The following ALMS1 variants were observed in gnomAD, a reference collection of about 807,000 sequenced individuals.
ALMS1 encodes centrosome-associated protein ALMS1.
Under a neutral mutation model 352.2 loss-of-function variants are expected in ALMS1, and 271 were observed. The observed-to-expected ratio is 0.77, with a 90% confidence interval of 0.70 to 0.85. The LOEUF is 0.85. Among genes scored for constraint, ALMS1 ranks in the 40% least tolerant of loss-of-function variants. The pLI is 0.00. For synonymous variants in ALMS1, 1,865 were observed against 1,761.2 expected (o/e 1.06, Z -1.48); for missense variants, 5,445 against 4,870.7 (o/e 1.12, Z -3.51).
At chr2:73,502,295 A>G (rs1673234311) in intron 10 of ALMS1, among the ~76,000 whole-genome samples, 3 of 152,090 alleles carry the variant, frequency 2.0e-5, no homozygotes, top group Admixed American at 2.0e-4. Context: ...TTTCTTCTTT[A>G]AATTTACTGG....
intron 16 of ALMS1, among the ~76,000 whole-genome samples, chr2:73,581,813 C>T (rs188976589): frequency 7.9e-5 from 12 of 151,152 alleles, no homozygotes; most frequent in Non-Finnish European, 1.8e-4. Flanking sequence ...GGCACAATCT[C>T]AGCTCACTGC....
chr2:73,452,698 A>T lies in ALMS1; in HGVS notation c.6171A>T (p.Leu2057Phe), dbSNP rs2103789184. 6.2e-7 allele frequency: 1 copy of T among 1,613,738 alleles called. No individual in the cohort carries two copies. Among genetic ancestry groups the T allele is most frequent in the Non-Finnish European group, 8.5e-7 (1 of 1,179,966 alleles). ...CTCAAACAGTAAAGCCCAATATTTT[A>T]TTTCAACAGCAGTTGCCAGATAGAG... is the stretch of plus-strand genomic sequence containing the variant. ...SYSQTVKPNI[L>F]FQQQLPDRDQ... Residue 2057 changes from leucine to phenylalanine, a missense_variant, in exon 8 of 23, where the codon TTA (leucine) becomes TTT (phenylalanine). Leu to Phe is a conservative substitution (Grantham distance 22, BLOSUM62 0). Transcript: ENST00000613296.
intron 3 of ALMS1, among the ~76,000 whole-genome samples, chr2:73,419,843 A>G (rs1172433249): frequency 2.0e-5 from 3 of 152,210 alleles, no homozygotes; most frequent in Non-Finnish European, 4.4e-5. Flanking sequence ...TTAGCTCTTT[A>G]TAAAAGATAA....
chr2:73,450,427 G>A lies in ALMS1; in HGVS notation c.3900G>A (p.Ser1300=), dbSNP rs1480882041. 4.3e-6 allele frequency: 7 copies of A among 1,612,050 alleles called. No homozygotes were observed. Among genetic ancestry groups the A allele is most frequent in the Middle Eastern group, 1.6e-4 (1 of 6,070 alleles). The part of the protein sequence containing the change: ...REKPSIFYQQ[S]LPSSHLTEEA... ...AGCCCAGCATTTTCTACCAACAGTC[G>A]TTGCCAAGTAGTCATCTAACTGAAG... Residue 1300 remains serine (S), a synonymous_variant, in exon 8 of 23, where the codon TCG becomes TCA. Coordinates refer to ENST00000613296, the MANE Select transcript of ALMS1 (RefSeq NM_001378454.1).
chr2:73,491,056 T>C lies in ALMS1; in HGVS notation c.9097T>C (p.Ser3033Pro). 1 of 1,614,250 alleles carries C rather than the reference T, an allele frequency of 6.2e-7. No individual in the cohort carries two copies. Among genetic ancestry groups the C allele is most frequent in the Non-Finnish European group, 8.5e-7 (1 of 1,180,046 alleles). ...SAPNHCTLAA[S>P]ASTPPSNRKA... ...CCCAAATCACTGTACATTAGCAGCA[T>C]CTGCATCTACTCCTCCTTCAAATAG... is the stretch of plus-strand genomic sequence containing the variant. Residue 3033 changes from serine to proline, a missense_variant, in exon 10 of 23, where the codon TCT (serine) becomes CCT (proline). Physicochemically the swap from Ser to Pro is moderately conservative, Grantham distance 74. Coordinates refer to ENST00000613296, the MANE Select transcript of ALMS1 (RefSeq NM_001378454.1).
Position 73,455,129 on chromosome 2 carries a change from T to C in ALMS1, c.7541-33T>C, listed in dbSNP as rs28730856. On this transcript the variant is annotated intron_variant, in intron 8 of 22. Transcript: ENST00000613296. ...TTGTTGACAAATTATCACTTTTGCATTGTATTATCTCAAGTGTATGCTTTC... is the reference window on the plus strand; with the variant it reads ...TTGTTGACAAATTATCACTTTTGCACTGTATTATCTCAAGTGTATGCTTTC... The C allele has an allele frequency of 5.9e-4, 951 of 1,610,680 alleles. 7 individuals are homozygous for C. The African/African-American group carries it at 0.011, about 18-fold the overall frequency.
intron 16 of ALMS1, among the ~76,000 whole-genome samples, chr2:73,575,454 T>C (rs1675032079): frequency 6.6e-6 from 1 of 152,230 alleles, no homozygotes; most frequent in South Asian, 2.1e-4. Flanking sequence ...CACAAGGGTT[T>C]CAATTTTATT....
chr2:73,508,698 G>A (rs1318155005), intron 10 of ALMS1, among the ~76,000 whole-genome samples: 1 of 152,168 alleles, frequency 6.6e-6, no homozygotes, highest in Non-Finnish European at 1.5e-5. Flanking sequence ...TTCTGTAGAT[G>A]TCTATTAGGT....
chr2:73,520,324 C>G (rs917004775), intron 11 of ALMS1, among the ~76,000 whole-genome samples: 8 of 152,166 alleles, frequency 5.3e-5, no homozygotes, highest in Admixed American at 2.6e-4. Context: ...TTGAGGTCTG[C>G]TTTTAAAATG....
intron 21 of ALMS1, among the ~76,000 whole-genome samples, chr2:73,607,283 TGA>T: frequency 6.6e-6 from 1 of 152,254 alleles, no homozygotes; most frequent in Non-Finnish European, 1.5e-5. Flanking sequence ...TTGGTATACA[TGA>T]AACATACTTG....
intron 15 of ALMS1, among the ~76,000 whole-genome samples, chr2:73,564,238 G>C (rs903025161): frequency 1.3e-5 from 2 of 151,956 alleles, no homozygotes; most frequent in Non-Finnish European, 2.9e-5. Flanking sequence ...AGCTAGGGTG[G>C]GTGGATCACT....
At position 73,572,271 on chromosome 2, in the gene ALMS1, G is replaced by A. The variant is rs1674945269; in HGVS notation, c.10394G>A (p.Cys3465Tyr). The A allele has an allele frequency of 1.3e-5, 21 of 1,607,234 alleles. No individual in the cohort carries two copies. The highest frequency in any genetic ancestry group is 1.7e-5 in the Admixed American group (1 of 58,352). ...TTTTTCTCCTTTTCAGAGTCCGAAT[G>A]TCATTCAGAATTTGAAAATACTACC... is the stretch of plus-strand genomic sequence containing the variant. ...SLQINIEESE[C>Y]HSEFENTTRS... Residue 3465 changes from cysteine to tyrosine, a missense_variant, in exon 16 of 23, where the codon TGT (cysteine) becomes TAT (tyrosine). Coordinates refer to ENST00000613296, the MANE Select transcript of ALMS1 (RefSeq NM_001378454.1).
intron 16 of ALMS1, among the ~76,000 whole-genome samples, chr2:73,578,802 G>C (rs556834973): frequency 6.6e-6 from 1 of 152,206 alleles, no homozygotes; most frequent in African/African-American, 2.4e-5. Flanking sequence ...TTTTAAATCA[G>C]ATAAGGGAAA....
Position 73,430,989 on chromosome 2 carries a change from T to G in ALMS1, c.1339-1209T>G, listed in dbSNP as rs1671488478. On this transcript the variant is annotated intron_variant, in intron 6 of 22. Coordinates refer to ENST00000613296, the MANE Select transcript of ALMS1 (RefSeq NM_001378454.1). ...CTGTAGGAGTGAGGTAATTGAAAAC[T>G]ATGAACTTTGTGCTATGTGGAGAGC... is the stretch of plus-strand genomic sequence containing the variant. Among the ~76,000 whole-genome samples the G allele has an allele frequency of 2.6e-5, 4 of 152,288 alleles. No individual in the cohort carries two copies. The South Asian group carries it at 8.3e-4, about 32-fold the overall frequency.
chr2:73,525,169 A>C (rs558533903), intron 11 of ALMS1, among the ~76,000 whole-genome samples: 3 of 152,276 alleles, frequency 2.0e-5, no homozygotes, highest in African/African-American at 7.2e-5. Flanking sequence ...TTTATCCATT[A>C]ATCTATTGAT....
chr2:73,401,971 C>A (rs1318514694), intron 1 of ALMS1, among the ~76,000 whole-genome samples: 2 of 151,966 alleles, frequency 1.3e-5, no homozygotes, highest in Non-Finnish European at 2.9e-5. Flanking sequence ...GGATCACCTT[C>A]CTTTTTAAGG....
At chr2:73,421,666 A>G (rs918114760) in intron 3 of ALMS1, among the ~76,000 whole-genome samples, 3 of 152,170 alleles carry the variant, frequency 2.0e-5, no homozygotes, top group Admixed American at 6.5e-5. Flanking sequence ...CACAGTTGAC[A>G]ATTTAGATGG....
At position 73,559,093 on chromosome 2, in the gene ALMS1, C is replaced by G. The variant is rs78108069; in HGVS notation, c.10335C>G (p.Pro3445=). Residue 3445 remains proline, a synonymous_variant, in exon 15 of 23, where the codon CCC becomes CCG. Coordinates refer to ENST00000613296, the MANE Select transcript of ALMS1 (RefSeq NM_001378454.1). ...KEEIHRKKTV[P]EEAWPNNKES... is the part of the protein sequence containing the mutation. ...AGATCCATAGGAAGAAGACAGTTCC[C>G]GAGGAAGCCTGGCCAAACAATAAAG... The G allele has an allele frequency of 1.2e-6, 2 of 1,613,796 alleles. No homozygotes were observed. The highest frequency in any genetic ancestry group is 1.7e-5 in the Admixed American group (1 of 59,982).
Position 73,485,643 on chromosome 2 carries a change from C to T in ALMS1, c.7675-3991C>T, listed in dbSNP as rs1018324938. On this transcript the variant is annotated intron_variant, in intron 9 of 22. Transcript: ENST00000613296. ...GGCTGCTTTGTTTACCTAAGCAAGCCTGGGCAATGGCGGGCGCCCCTCCCC... is the reference window on the plus strand; with the variant it reads ...GGCTGCTTTGTTTACCTAAGCAAGCTTGGGCAATGGCGGGCGCCCCTCCCC... Among the ~76,000 whole-genome samples, 3 of 152,346 alleles carry T rather than the reference C, an allele frequency of 2.0e-5. No individual in the cohort carries two copies. The East Asian group carries it at 5.8e-4, about 29-fold the overall frequency.
Sources: allele counts gnomAD v4.1 joint callset (sites outside exome capture counted in the v4.1 genomes callset), GRCh38; gene constraint gnomAD v4.1.1; transcripts MANE v1.5; gene names NCBI Gene and HGNC (gene_info 2026-07-23, HGNC 2026-07-21).